TIFA: variants seen among roughly 807,000 people sequenced by gnomAD.
TIFA encodes the protein TRAF interacting protein with forkhead associated domain, also known as TRAF-interacting protein with FHA domain-containing protein A.
For synonymous variants in TIFA, 75 were observed against 79.2 expected (o/e 0.95, Z 0.28); for missense variants, 186 against 215.2 (o/e 0.86, Z 0.85).
Position 112,277,504 on chromosome 4 carries a change from C to G in TIFA, c.*358G>C, listed in dbSNP as rs531779445. The G allele has an allele frequency of 2.5e-4, 44 of 177,834 alleles. No homozygotes were observed. Among genetic ancestry groups the G allele is most frequent in the African/African-American group, 1.0e-3 (43 of 41,740 alleles). The allele number at this position is 177,834 out of a possible 1,614,324, so 11.0% of individuals were successfully genotyped here. ...CTGTTGTGAACTGATGTGACCAAAC[C>G]AAGAGATGGTTCCTTACAAAAACAA... is the stretch of plus-strand genomic sequence containing the variant. On this transcript the variant is annotated 3_prime_UTR_variant, in exon 2 of 2. Transcript: ENST00000361717.
chr4:112,280,311 T>C (rs1270438495), intron 1 of TIFA, among the ~76,000 whole-genome samples: 1 of 150,972 alleles, frequency 6.6e-6, no homozygotes, highest in African/African-American at 2.4e-5. Flanking sequence ...AGAAAGAATA[T>C]TTTCTTTCCC....
At position 112,285,794 on chromosome 4, in the gene TIFA, G is replaced by C. The variant is rs1330184111; in HGVS notation, c.-173C>G. 1 of 152,336 alleles carries C rather than the reference G, an allele frequency of 6.6e-6. No individual in the cohort carries two copies. The highest frequency in any genetic ancestry group is 1.5e-5 in the Non-Finnish European group (1 of 68,104). 9.4% of individuals were successfully genotyped at this position (152,336 alleles called of 1,614,324 possible). A position where few individuals can be genotyped will look rare whatever the true frequency, so the allele number is the denominator to read the frequency against. ...TGAGCCCCGGGGTGCGGGGAACCGA[G>C]CCAGGGACCAGTGACCGCGAGCCGC... On this transcript the variant is annotated 5_prime_UTR_variant, in exon 1 of 2. Transcript: ENST00000361717.
In TIFA at chr4:112,284,864, A is replaced by G. The variant is rs114098263; in HGVS notation, c.-19+776T>C. Among the ~76,000 whole-genome samples, 1,044 of 150,400 alleles carry G rather than the reference A, an allele frequency of 6.9e-3. 11 individuals carry two copies. The highest frequency in any genetic ancestry group is 0.024 in the African/African-American group (980 of 40,734). On this transcript the variant is annotated intron_variant, in intron 1 of 1. Coordinates refer to ENST00000361717, the MANE Select transcript of TIFA (RefSeq NM_052864.3). ...ACAGCTGTTTGGCAGAATTAATACT[A>G]AAACCACAGGTCTTGCAAAAACAAA...
rs1256659629 is a variant in TIFA at position 112,276,139 on chromosome 4, T to C, written c.*1723A>G. 3 of 152,408 alleles carry C rather than the reference T, an allele frequency of 2.0e-5. No homozygotes were observed. Among genetic ancestry groups the C allele is most frequent in the Non-Finnish European group, 4.4e-5 (3 of 68,036 alleles). The allele number at this position is 152,408 out of a possible 1,614,324, so 9.4% of individuals were successfully genotyped here. ...TTTGTAGGTTAACAAGTCAAACATA[T>C]TCTCACTGGACCAAAATCAAGGTGT... is the stretch of plus-strand genomic sequence containing the variant. On this transcript the variant is annotated 3_prime_UTR_variant, in exon 2 of 2. Transcript: ENST00000361717.
Position 112,277,687 on chromosome 4 carries a change from G to GGTCGCCGTGTC in TIFA, c.*174_*175insGACACGGCGAC. The GGTCGCCGTGTC allele has an allele frequency of 2.3e-6, 1 of 441,780 alleles. No homozygotes were observed. The highest frequency in any genetic ancestry group is 3.6e-6 in the Non-Finnish European group (1 of 275,058). 27.4% of individuals were successfully genotyped at this position (441,780 alleles called of 1,614,324 possible). A position where few individuals can be genotyped will look rare whatever the true frequency, so the allele number is the denominator to read the frequency against. On this transcript the variant is annotated 3_prime_UTR_variant, in exon 2 of 2. Transcript: ENST00000361717. ...TGTGTAGATCCAGAATACAACAGGT[G>GGTCGCCGTGTC]ACTAAGTTAATGACTAACACAATTT...
Position 112,285,837 on chromosome 4 carries a change from C to A in TIFA, c.-216G>T, listed in dbSNP as rs1453180671. 1 of 152,324 alleles carries A rather than the reference C, an allele frequency of 6.6e-6. No homozygotes were observed. 9.4% of individuals were successfully genotyped at this position (152,324 alleles called of 1,614,324 possible). On this transcript the variant is annotated 5_prime_UTR_variant, in exon 1 of 2. Transcript: ENST00000361717. ...CGAGCCGCCGATCCTCCCGCGCTCC[C>A]GCGCGCGCGGCCTGCCTTCCCACTG...
intron 1 of TIFA, among the ~76,000 whole-genome samples, chr4:112,283,548 G>A (rs1727263300): frequency 6.6e-6 from 1 of 152,074 alleles, no homozygotes; most frequent in Non-Finnish European, 1.5e-5. Context: ...ATTTCAGAGT[G>A]GTCAGCAGAA....
Position 112,274,551 on chromosome 4 carries a change from T to C in TIFA, c.*3311A>G, listed in dbSNP as rs904335593. ...AACAAAGCCTGTTATCTTAATAATA[T>C]AAGTAATTAATTAAACAAGTGTTAG... On this transcript the variant is annotated 3_prime_UTR_variant, in exon 2 of 2. Coordinates refer to ENST00000361717, the MANE Select transcript of TIFA (RefSeq NM_052864.3). 6.6e-6 allele frequency: 1 copy of C among 152,138 alleles called. No individual in the cohort carries two copies. The highest frequency in any genetic ancestry group is 2.4e-5 in the African/African-American group (1 of 41,434). 9.4% of individuals were successfully genotyped at this position (152,138 alleles called of 1,614,324 possible).
At chr4:112,284,625 C>A (rs994293778) in intron 1 of TIFA, among the ~76,000 whole-genome samples, 1 of 148,130 alleles carries the variant, frequency 6.8e-6, no homozygotes, top group Non-Finnish European at 1.5e-5. Flanking sequence ...CTCCCCAGTT[C>A]CCCCTGAATA....
In TIFA at chr4:112,282,613, G is replaced by A. The variant is rs567924988; in HGVS notation, c.-19+3027C>T. On this transcript the variant is annotated intron_variant, in intron 1 of 1. Transcript: ENST00000361717. ...GATCTCTCCTGGAGAGTTGACAGTCGATTTGCAGACCAAAGCATGTCCCCA... is the reference window on the plus strand; with the variant it reads ...GATCTCTCCTGGAGAGTTGACAGTCAATTTGCAGACCAAAGCATGTCCCCA... Among the ~76,000 whole-genome samples, 6 of 152,246 alleles carry A rather than the reference G, an allele frequency of 3.9e-5. No homozygotes were observed. The East Asian group carries it at 9.6e-4, about 24-fold the overall frequency.
rs573428255 is a variant in TIFA, at chr4:112,274,758, C to A, written c.*3104G>T. On this transcript the variant is annotated 3_prime_UTR_variant, in exon 2 of 2. Transcript: ENST00000361717. Reference sequence around the variant, plus strand: ...AATGTAAAGCTTAAGTGAACACATACCTGATCCCACCTCCATTAAAACAAA... The same window carrying A: ...AATGTAAAGCTTAAGTGAACACATAACTGATCCCACCTCCATTAAAACAAA... The A allele has an allele frequency of 6.6e-6, 1 of 152,126 alleles. No homozygotes were observed. The highest frequency in any genetic ancestry group is 2.1e-4 in the South Asian group (1 of 4,816). The allele number at this position is 152,126 out of a possible 1,614,324, so 9.4% of individuals were successfully genotyped here.
chr4:112,283,405 G>A (rs1727261574), intron 1 of TIFA, among the ~76,000 whole-genome samples: 3 of 152,146 alleles, frequency 2.0e-5, no homozygotes, highest in African/African-American at 7.2e-5. Context: ...CATGGACCTA[G>A]TACTCATCGG....
At chr4:112,280,441 C>T (rs1215740511) in intron 1 of TIFA, among the ~76,000 whole-genome samples, 2 of 145,952 alleles carry the variant, frequency 1.4e-5, no homozygotes, top group Non-Finnish European at 3.0e-5. Context: ...CCTCTGCCTC[C>T]CAGGTTCAAG....
intron 1 of TIFA, among the ~76,000 whole-genome samples, chr4:112,284,415 T>C (rs1727281174): frequency 6.6e-6 from 1 of 152,052 alleles, no homozygotes; most frequent in Non-Finnish European, 1.5e-5. Context: ...AACAAAAACA[T>C]ATACAGAAAT....
At chr4:112,284,045 C>T (rs1214129529) in intron 1 of TIFA, among the ~76,000 whole-genome samples, 1 of 152,174 alleles carries the variant, frequency 6.6e-6, no homozygotes, top group Non-Finnish European at 1.5e-5. Flanking sequence ...ATAAGCACTG[C>T]AGTTGGGAAC....
rs1219421589 is a variant in TIFA at position 112,279,587 on chromosome 4, C to G, written c.-18-1153G>C. Among the ~76,000 whole-genome samples the G allele has an allele frequency of 3.9e-5, 6 of 152,122 alleles. No homozygotes were observed. The East Asian group carries it at 9.6e-4, about 24-fold the overall frequency. On this transcript the variant is annotated intron_variant, in intron 1 of 1. Coordinates refer to ENST00000361717, the MANE Select transcript of TIFA (RefSeq NM_052864.3). ...GTGTGCACTCTCACACACACAAACA[C>G]ACATACGAGCACATTTCTCCACAGA... is the stretch of plus-strand genomic sequence containing the variant.
intron 1 of TIFA, among the ~76,000 whole-genome samples, chr4:112,278,956 C>A (rs1185961383): frequency 6.6e-6 from 1 of 152,124 alleles, no homozygotes; most frequent in Admixed American, 6.5e-5. Flanking sequence ...TAGTTATAAA[C>A]AAACAATTGT....
intron 1 of TIFA, among the ~76,000 whole-genome samples, chr4:112,279,441 TA>T (rs998331694): frequency 6.6e-6 from 1 of 151,956 alleles, no homozygotes; most frequent in East Asian, 1.9e-4. Flanking sequence ...ACAAAGGATT[TA>T]AAAAAAAGAG....
In TIFA at chr4:112,277,852, C is replaced by T. The variant is rs754320526; in HGVS notation, c.*10G>A. 8 of 1,576,484 alleles carry T rather than the reference C, an allele frequency of 5.1e-6. No individual in the cohort carries two copies. The highest frequency in any genetic ancestry group is 1.4e-5 in the African/African-American group (1 of 73,432). ...CATCCATCATATTTCTCCTCTTAGA[C>T]TTTCTGTGTTCATGACTCATTTTCA... On this transcript the variant is annotated 3_prime_UTR_variant, in exon 2 of 2. Coordinates refer to ENST00000361717, the MANE Select transcript of TIFA (RefSeq NM_052864.3).
Sources: gnomAD v4.1 joint callset for allele counts (sites outside exome capture counted in the v4.1 genomes callset) on GRCh38, gnomAD v4.1.1 for gene constraint, MANE v1.5 for transcripts, NCBI Gene and HGNC (gene_info 2026-07-23, HGNC 2026-07-21) for gene names.